TPD52L1: variants seen among roughly 807,000 people sequenced by gnomAD.
The protein encoded by TPD52L1 is TPD52 like 1, also known as tumor protein D53.
In TPD52L1, 18 loss-of-function variants were observed where a neutral mutation model predicts 28.7. The observed-to-expected ratio is 0.63, with a 90% CI of 0.43 to 0.93. The LOEUF (loss-of-function observed/expected upper bound fraction) is 0.93. Among genes scored for constraint, TPD52L1 ranks in the 40% least tolerant of loss-of-function variants. The probability of loss-of-function intolerance (pLI) is 0.00; values close to 1 mark genes in which losing one functional copy is unlikely to be tolerated. For synonymous variants in TPD52L1, 75 were observed against 88.8 expected, an observed-to-expected ratio of 0.84 and a Z score of 0.88; for missense variants, 203 against 254.8, an observed-to-expected ratio of 0.80 and a Z score of 1.39.
At chr6:125,245,541 G>T (rs1013060452) in intron 3 of TPD52L1, among the ~76,000 whole-genome samples, 19 of 152,160 alleles carry the variant, frequency 1.2e-4, no homozygotes, top group Admixed American at 7.9e-4. Context: ...GGCAGGGATA[G>T]ACTCTCCTTG....
At chr6:125,234,430 C>A (rs1464810803) in intron 3 of TPD52L1, 3 of 152,208 alleles carry the variant, frequency 2.0e-5, no homozygotes, top group Admixed American at 2.0e-4. Flanking sequence ...TGAGGACAGG[C>A]ACAGAACACA....
intron 1 of TPD52L1, among the ~76,000 whole-genome samples, chr6:125,160,419 G>C (rs1432784517): frequency 6.6e-6 from 1 of 152,076 alleles, no homozygotes; most frequent in Non-Finnish European, 1.5e-5. Flanking sequence ...AAGTACAGTG[G>C]GATCATCATA....
chr6:125,183,373 G>A (rs1293890214), intron 1 of TPD52L1, among the ~76,000 whole-genome samples: 1 of 152,164 alleles, frequency 6.6e-6, no homozygotes, highest in Non-Finnish European at 1.5e-5. Context: ...CAGCTACATG[G>A]GAGGCTGAGG....
intron 1 of TPD52L1, among the ~76,000 whole-genome samples, chr6:125,155,327 A>C (rs908426813): frequency 2.6e-5 from 4 of 152,238 alleles, no homozygotes; most frequent in Non-Finnish European, 5.9e-5. Flanking sequence ...GCCTTGGCCA[A>C]CCCCATCCCA....
chr6:125,210,926 G>T (rs1310626507), intron 1 of TPD52L1, among the ~76,000 whole-genome samples: 1 of 152,162 alleles, frequency 6.6e-6, no homozygotes, highest in Non-Finnish European at 1.5e-5. Context: ...AGATTGGTTT[G>T]TTCCCCAAAG....
At chr6:125,227,910 C>T (rs1043693994) in intron 2 of TPD52L1, among the ~76,000 whole-genome samples, 1 of 152,132 alleles carries the variant, frequency 6.6e-6, no homozygotes, top group Non-Finnish European at 1.5e-5. Flanking sequence ...TATGTCCATA[C>T]GAAGCCTTGT....
Position 125,153,951 on chromosome 6 carries a change from C to T in TPD52L1, c.-1C>T, listed in dbSNP as rs759948621. 11 of 1,607,400 alleles carry T rather than the reference C, an allele frequency of 6.8e-6. No individual in the cohort carries two copies. In the Admixed American group the frequency reaches 1.3e-4, roughly 20 times the overall value. ...CCGCCCTCAGCTCGAAGTCAGCCAC[C>T]ATGGAGGCGCAGGCACAAGGTGAGT... is the stretch of plus-strand genomic sequence containing the variant. On this transcript the variant is annotated 5_prime_UTR_variant, in exon 1 of 7. Transcript: ENST00000534000.
intron 1 of TPD52L1, among the ~76,000 whole-genome samples, chr6:125,155,118 A>G (rs1433226900): frequency 6.6e-6 from 1 of 152,148 alleles, no homozygotes; most frequent in African/African-American, 2.4e-5. Context: ...CTGCCCGTAA[A>G]GCTGCCGCTT....
intron 1 of TPD52L1, among the ~76,000 whole-genome samples, chr6:125,170,490 T>C (rs73771244): frequency 0.011 from 1,727 of 151,508 alleles, 28 homozygotes; most frequent in African/African-American, 0.04. Context: ...GTAGCTCTCA[T>C]ATAAATCGGA....
At chr6:125,223,310 G>A (rs949688934) in intron 2 of TPD52L1, among the ~76,000 whole-genome samples, 1 of 152,078 alleles carries the variant, frequency 6.6e-6, no homozygotes, top group African/African-American at 2.4e-5. Context: ...ATTTTTGTGT[G>A]CTTACCAAGT....
chr6:125,175,638 C>G (rs1791776178), intron 1 of TPD52L1, among the ~76,000 whole-genome samples: 1 of 152,058 alleles, frequency 6.6e-6, no homozygotes, highest in African/African-American at 2.4e-5. Flanking sequence ...GGAGAGAGGA[C>G]AATATGCCTG....
chr6:125,174,544 G>A (rs1372836504), intron 1 of TPD52L1, among the ~76,000 whole-genome samples: 1 of 152,174 alleles, frequency 6.6e-6, no homozygotes, highest in Non-Finnish European at 1.5e-5. Context: ...TTGCTAATGA[G>A]ACAATAAATG....
In TPD52L1 at chr6:125,260,968, GAAAGAAAGAAAAGAA is replaced by G. The variant is rs1797934917; in HGVS notation, c.487-1863_487-1849del. 7.8e-4 allele frequency: 35 copies of G among 44,592 alleles called. 1 individual carries two copies. Among genetic ancestry groups the G allele is most frequent in the East Asian group, 6.5e-3 (10 of 1,548 alleles). The allele number at this position is 44,592 out of a possible 1,614,324, so 2.8% of individuals were successfully genotyped here. A position where few individuals can be genotyped will look rare whatever the true frequency, so the allele number is the denominator to read the frequency against. On this transcript the variant is annotated intron_variant, in intron 6 of 6. Coordinates refer to ENST00000534000, the MANE Select transcript of TPD52L1 (RefSeq NM_003287.4). ...AGAAAGAAAGAAAGAAAGAAAGAAA[GAAAGAAAGAAAAGAA>G]AAGAAAGAAAGAAAGAAAGAAAGAA...
chr6:125,166,936 C>T (rs78056287), intron 1 of TPD52L1, among the ~76,000 whole-genome samples: 2,387 of 152,092 alleles, frequency 0.016, 63 homozygotes, highest in African/African-American at 0.055. Context: ...TAAAGGATTT[C>T]GGGAACTCAA....
chr6:125,176,685 T>TA (rs1791841783), intron 1 of TPD52L1, among the ~76,000 whole-genome samples: 1 of 152,146 alleles, frequency 6.6e-6, no homozygotes, highest in East Asian at 1.9e-4. Flanking sequence ...AAATAGATGT[T>TA]AAAATTCCGA....
intron 3 of TPD52L1, among the ~76,000 whole-genome samples, chr6:125,237,979 C>T (rs1796375896): frequency 6.6e-6 from 1 of 152,136 alleles, no homozygotes; most frequent in Non-Finnish European, 1.5e-5. Flanking sequence ...ATTTTTAATG[C>T]CCTTTTCACA....
At chr6:125,186,472 T>A (rs1439918461) in intron 1 of TPD52L1, among the ~76,000 whole-genome samples, 1 of 152,120 alleles carries the variant, frequency 6.6e-6, no homozygotes, top group Admixed American at 6.5e-5. Flanking sequence ...ACTACCAAAA[T>A]TGAGCTAGGG....
intron 3 of TPD52L1, among the ~76,000 whole-genome samples, chr6:125,248,068 A>T (rs1240838336): frequency 6.6e-6 from 1 of 152,228 alleles, no homozygotes; most frequent in Non-Finnish European, 1.5e-5. Flanking sequence ...ATCTGTATAT[A>T]CTTCCTAAAT....
In TPD52L1 at chr6:125,167,855, T is replaced by TAA. The variant is rs555392206; in HGVS notation, c.19+13895_19+13896dup. Among the ~76,000 whole-genome samples, 967 of 138,752 alleles carry TAA rather than the reference T, an allele frequency of 7.0e-3. 15 individuals carry two copies. The highest frequency in any genetic ancestry group is 0.024 in the African/African-American group (918 of 38,018). The allele number at this position is 138,752 out of a possible 152,430, so 91.0% of individuals were successfully genotyped here. ...TACATTTGCAAAGCAAATCTTGTAC[T>TAA]AAAAAAAAAAACAAAAAAATGGGGT... On this transcript the variant is annotated intron_variant, in intron 1 of 6. Transcript: ENST00000534000.
Sources: allele counts gnomAD v4.1 joint callset (sites outside exome capture counted in the v4.1 genomes callset), GRCh38; gene constraint gnomAD v4.1.1; transcripts MANE v1.5; gene names NCBI Gene and HGNC (gene_info 2026-07-23, HGNC 2026-07-21).